Variants in TBC1D14 observed in about 807,000 individuals in gnomAD.
TBC1D14 encodes TBC1 domain family, member 14.
TBC1D14 carries 26 observed loss-of-function variants against 79.0 expected under a neutral mutation model. The observed-to-expected ratio is 0.33, with a 90% CI of 0.24 to 0.46. The LOEUF is 0.46. Ranked by LOEUF, TBC1D14 falls within the 20% of genes least tolerant of loss-of-function variation. TBC1D14 has a pLI of 1.00. For synonymous variants in TBC1D14, 394 were observed against 349.9 expected (o/e 1.13, Z -1.40); for missense variants, 769 against 887.6 (o/e 0.87, Z 1.70).
chr4:6,931,951 C>T (rs1711788406), intron 2 of TBC1D14, among the ~76,000 whole-genome samples: 2 of 151,682 alleles, frequency 1.3e-5, no homozygotes, highest in Admixed American at 1.3e-4. Context: ...TTAAGAGCTA[C>T]GGAGAAAGCC....
chr4:6,927,462 T>C (rs1724381643), intron 2 of TBC1D14, among the ~76,000 whole-genome samples: 1 of 152,196 alleles, frequency 6.6e-6, no homozygotes, highest in Non-Finnish European at 1.5e-5. Flanking sequence ...AAATAGAGCA[T>C]TTAACTTCTT....
intron 12 of TBC1D14, among the ~76,000 whole-genome samples, chr4:7,018,221 G>A (rs1028945500): frequency 3.3e-5 from 5 of 152,166 alleles, no homozygotes. Context: ...TGCCTGGCGG[G>A]GTATAAAGCA....
chr4:6,992,726 G>T (rs745344774), intron 3 of TBC1D14, among the ~76,000 whole-genome samples: 1 of 152,214 alleles, frequency 6.6e-6, no homozygotes, highest in African/African-American at 2.4e-5. Flanking sequence ...TGACATTCAG[G>T]TGCTAGACTT....
At chr4:6,978,660 T>C (rs1324269575) in intron 3 of TBC1D14, among the ~76,000 whole-genome samples, 1 of 148,170 alleles carries the variant, frequency 6.7e-6, no homozygotes, top group South Asian at 2.1e-4. Context: ...CACTTGTTTA[T>C]CTGCTGACCT....
At chr4:6,987,064 A>T (rs1043837674) in intron 3 of TBC1D14, 5 of 687,202 alleles carry the variant, frequency 7.3e-6, no homozygotes, top group Non-Finnish European at 9.4e-6. Context: ...GGGCCGTACC[A>T]CGGGGACGCC....
At chr4:6,968,779 A>T (rs1259559434) in intron 3 of TBC1D14, among the ~76,000 whole-genome samples, 1 of 152,230 alleles carries the variant, frequency 6.6e-6, no homozygotes, top group Non-Finnish European at 1.5e-5. Flanking sequence ...GGCTTTGCAG[A>T]GCCTCTGAGT....
At chr4:6,990,822 A>G (rs1286065970) in intron 3 of TBC1D14, among the ~76,000 whole-genome samples, 1 of 152,094 alleles carries the variant, frequency 6.6e-6, no homozygotes, top group African/African-American at 2.4e-5. Flanking sequence ...AGGACCTAGA[A>G]CTCTGGTTTT....
intron 1 of TBC1D14, among the ~76,000 whole-genome samples, chr4:6,918,333 A>G (rs1027285845): frequency 3.9e-5 from 6 of 152,152 alleles, no homozygotes; most frequent in African/African-American, 7.2e-5. Flanking sequence ...CCTAGGAAGG[A>G]TAGAGTTTTT....
chr4:7,014,358 T>TA (rs1721079244), intron 11 of TBC1D14, 90 bp from the exon 12 acceptor site: 9 of 759,174 alleles, frequency 1.2e-5, no homozygotes, highest in Middle Eastern at 2.9e-4. Flanking sequence ...AGGTAATTGT[T>TA]AGAGTCTAAA....
chr4:6,914,652 G>A (rs1013256742), intron 1 of TBC1D14, among the ~76,000 whole-genome samples: 2 of 152,210 alleles, frequency 1.3e-5, no homozygotes, highest in Non-Finnish European at 2.9e-5. Flanking sequence ...TGCCTGATGT[G>A]TCATCTGCGC....
chr4:7,006,163 T>C (rs577235278), intron 8 of TBC1D14, among the ~76,000 whole-genome samples: 201 of 152,228 alleles, frequency 1.3e-3, no homozygotes, highest in African/African-American at 4.4e-3. Flanking sequence ...AGAAAGACCC[T>C]GTCGCTACAA....
Position 7,030,431 on chromosome 4 carries a change from C to A in TBC1D14, c.*39C>A. ...ATTCGCACTCGGCACCAATCAGAGC[C>A]CCATGCCGCGGCCCCTCTGTTGTTT... On this transcript the variant is annotated 3_prime_UTR_variant, in exon 14 of 14. Coordinates refer to ENST00000409757, the MANE Select transcript of TBC1D14 (RefSeq NM_020773.3). The A allele has an allele frequency of 6.2e-7, 1 of 1,606,814 alleles. No homozygotes were observed. The highest frequency in any genetic ancestry group is 8.5e-7 in the Non-Finnish European group (1 of 1,173,842).
At chr4:6,984,702 G>A (rs892595481) in intron 3 of TBC1D14, among the ~76,000 whole-genome samples, 4 of 152,290 alleles carry the variant, frequency 2.6e-5, no homozygotes, top group Middle Eastern at 3.4e-3. Context: ...TTATGTATGT[G>A]TAAATTTCGT....
chr4:6,958,668 C>G (rs923211031), intron 2 of TBC1D14, among the ~76,000 whole-genome samples: 1 of 152,216 alleles, frequency 6.6e-6, no homozygotes, highest in Admixed American at 6.5e-5. Context: ...CTCCTGGCCT[C>G]AAGCGATCCA....
chr4:7,001,454 G>A (rs759285798), intron 7 of TBC1D14: 5 of 543,636 alleles, frequency 9.2e-6, no homozygotes, highest in Admixed American at 3.2e-5. Flanking sequence ...ACAGCTCAGC[G>A]CAGGAGCTCT....
intron 3 of TBC1D14, among the ~76,000 whole-genome samples, chr4:6,978,643 C>G (rs1717058832): frequency 6.8e-6 from 1 of 147,830 alleles, no homozygotes; most frequent in Admixed American, 6.7e-5. Flanking sequence ...AACCAGAGAC[C>G]TTTGTTCACT....
chr4:7,014,294 T>C (rs1001803162), intron 11 of TBC1D14, among the ~76,000 whole-genome samples, 154 bp from the exon 12 acceptor site: 4 of 152,258 alleles, frequency 2.6e-5, no homozygotes, highest in Non-Finnish European at 5.9e-5. Flanking sequence ...GTTTATAATT[T>C]GAATAGTACC....
intron 2 of TBC1D14, among the ~76,000 whole-genome samples, chr4:6,930,158 C>T (rs1485326623): frequency 6.6e-6 from 1 of 152,158 alleles, no homozygotes; most frequent in African/African-American, 2.4e-5. Context: ...AGCTCTAAGC[C>T]GGGTCAGGGT....
chr4:7,013,474 T>A (rs997276762), intron 11 of TBC1D14, among the ~76,000 whole-genome samples: 1 of 152,256 alleles, frequency 6.6e-6, no homozygotes, highest in Non-Finnish European at 1.5e-5. Flanking sequence ...CTGCCCCCAG[T>A]CCAGCTGGAG....
Sources: gnomAD v4.1 joint callset for allele counts (sites outside exome capture counted in the v4.1 genomes callset) on GRCh38, gnomAD v4.1.1 for gene constraint, MANE v1.5 for transcripts, NCBI Gene and HGNC (gene_info 2026-07-23, HGNC 2026-07-21) for gene names.